The following DSTN variants were observed in gnomAD, a reference collection of about 807,000 sequenced individuals.
DSTN encodes the protein destrin, actin depolymerizing factor, also known as destrin.
In DSTN, 10 loss-of-function variants were observed where a neutral mutation model predicts 16.8. The observed-to-expected ratio is 0.60, with a 90% confidence interval of 0.37 to 1.01. The LOEUF (loss-of-function observed/expected upper bound fraction) is 1.01, where lower values mean the gene tolerates loss of function less well. Among genes scored for constraint, DSTN ranks in the 50% least tolerant of loss-of-function variants. The probability of loss-of-function intolerance (pLI) is 0.01; values close to 1 mark genes in which losing one functional copy is unlikely to be tolerated. For missense variants in DSTN, 141 were observed against 196.7 expected (o/e 0.72, Z 1.69); for synonymous variants, 57 against 58.9 (o/e 0.97, Z 0.14).
intron 1 of DSTN, among the ~76,000 whole-genome samples, chr20:17,582,299 T>C (rs1295946630): frequency 2.6e-5 from 4 of 152,096 alleles, no homozygotes; most frequent in African/African-American, 9.7e-5. Flanking sequence ...CAGGCTGGTC[T>C]CAAACTCCTG....
intron 1 of DSTN, among the ~76,000 whole-genome samples, chr20:17,588,960 C>T (rs780620278): frequency 6.6e-6 from 1 of 152,110 alleles, no homozygotes; most frequent in Non-Finnish European, 1.5e-5. Context: ...TCCAGAACTA[C>T]TGTTTACCTT....
intron 1 of DSTN, among the ~76,000 whole-genome samples, chr20:17,599,992 G>GA (rs541398948): frequency 1.1e-3 from 170 of 152,276 alleles, no homozygotes; most frequent in Admixed American, 2.4e-3. Flanking sequence ...TCCTCAAGAT[G>GA]AAAAAATTAA....
intron 2 of DSTN, among the ~76,000 whole-genome samples, chr20:17,604,330 C>T (rs1029805798): frequency 6.6e-6 from 1 of 152,200 alleles, no homozygotes; most frequent in Admixed American, 6.5e-5. Context: ...CAGTGGTTCT[C>T]TTCTTTTTTC....
chr20:17,607,338 A>G lies in DSTN; in HGVS notation c.*192A>G. The G allele has an allele frequency of 2.1e-6, 1 of 470,878 alleles. No homozygotes were observed. Among genetic ancestry groups the G allele is most frequent in the Non-Finnish European group, 3.7e-6 (1 of 272,760 alleles). The allele number at this position is 470,878 out of a possible 1,614,324, so 29.2% of individuals were successfully genotyped here. A position where few individuals can be genotyped will look rare whatever the true frequency, so the allele number is the denominator to read the frequency against. On this transcript the variant is annotated 3_prime_UTR_variant, in exon 4 of 4. Transcript: ENST00000246069. ...AAGTCTAAAGTTTTATTGATGTGAA[A>G]TTAAATTCTTATTGGCCAAATGCCT...
chr20:17,576,544 A>T (rs1197383073), intron 1 of DSTN: 2 of 152,756 alleles, frequency 1.3e-5, no homozygotes, highest in African/African-American at 4.8e-5. Context: ...TGATTTCAGT[A>T]AAAAATGCAA....
In DSTN at chr20:17,608,354, G is replaced by C. The variant is rs971838572; in HGVS notation, c.*1208G>C. ...ATAATTAAGAGTTAAGGTTGGCTGA[G>C]TGTGGTGGCTCACTCCTGTAATCCC... is the stretch of plus-strand genomic sequence containing the variant. On this transcript the variant is annotated 3_prime_UTR_variant, in exon 4 of 4. Coordinates refer to ENST00000246069, the MANE Select transcript of DSTN (RefSeq NM_006870.4). The C allele has an allele frequency of 1.1e-4, 16 of 152,226 alleles. No individual in the cohort carries two copies. Among genetic ancestry groups the C allele is most frequent in the African/African-American group, 3.4e-4 (14 of 41,458 alleles). 9.4% of individuals were successfully genotyped at this position (152,226 alleles called of 1,614,324 possible).
chr20:17,574,725 CAAAAA>C (rs775060379), intron 1 of DSTN, among the ~76,000 whole-genome samples: 2 of 52,982 alleles, frequency 3.8e-5, no homozygotes, highest in East Asian at 4.8e-4. Context: ...GACTCAGTCT[CAAAAA>C]AAAAAAAAAA....
intron 1 of DSTN, among the ~76,000 whole-genome samples, chr20:17,593,771 G>C (rs751141391): frequency 2.0e-5 from 3 of 152,100 alleles, no homozygotes; most frequent in African/African-American, 7.2e-5. Flanking sequence ...AAAGAGGTAG[G>C]TATAGCCAAA....
At chr20:17,574,915 C>G in intron 1 of DSTN, among the ~76,000 whole-genome samples, 1 of 131,356 alleles carries the variant, frequency 7.6e-6, no homozygotes, top group South Asian at 2.6e-4. Flanking sequence ...CTTGCAGCCA[C>G]CCAGGCTGGA....
intron 1 of DSTN, among the ~76,000 whole-genome samples, chr20:17,575,251 C>T (rs1187825426): frequency 6.6e-6 from 1 of 151,688 alleles, no homozygotes; most frequent in Non-Finnish European, 1.5e-5. Context: ...TTTATATTTT[C>T]TTTCAGTAAT....
At chr20:17,604,443 T>G (rs1404129893) in intron 2 of DSTN, 112 bp from the exon 3 acceptor site, 5 of 1,108,024 alleles carry the variant, frequency 4.5e-6, no homozygotes, top group Non-Finnish European at 3.9e-6. Flanking sequence ...AAAAAATATC[T>G]CAGGAGAGTC....
At chr20:17,581,079 T>C (rs1050371277) in intron 1 of DSTN, among the ~76,000 whole-genome samples, 6 of 152,076 alleles carry the variant, frequency 3.9e-5, no homozygotes, top group Non-Finnish European at 8.8e-5. Flanking sequence ...CAGGAAGCCA[T>C]TGGGTGTGTG....
intron 1 of DSTN, chr20:17,596,666 C>T (rs1253138196): frequency 3.2e-5 from 32 of 985,302 alleles, no homozygotes; most frequent in Non-Finnish European, 3.9e-5. Flanking sequence ...GCCAGTTTCT[C>T]CTTCAAGTAT....
intron 1 of DSTN, among the ~76,000 whole-genome samples, chr20:17,583,731 G>GTTTTTTTTTT (rs74172899): frequency 2.9e-4 from 8 of 28,038 alleles, no homozygotes; most frequent in Admixed American, 5.9e-4. Context: ...TGGGTTTGGA[G>GTTTTTTTTTT]TTTCTTTTTT....
chr20:17,570,291 AGGGGGTG>A, intron 1 of DSTN, 80 bp downstream of exon 1: 6 of 1,410,450 alleles, frequency 4.3e-6, no homozygotes, highest in Non-Finnish European at 5.5e-6. Context: ...GTCGGGGCTA[AGGGGGTG>A]AGCCGTGCCT....
intron 3 of DSTN, among the ~76,000 whole-genome samples, chr20:17,605,575 C>T (rs759953167): frequency 1.3e-5 from 2 of 152,150 alleles, no homozygotes; most frequent in African/African-American, 2.4e-5. Context: ...CTTCCTTTCC[C>T]GAGCCTTGCT....
chr20:17,573,775 CAT>C (rs1287971079), intron 1 of DSTN, among the ~76,000 whole-genome samples: 1 of 151,920 alleles, frequency 6.6e-6, no homozygotes. Context: ...TGACTCTTTT[CAT>C]ATGTTTATTG....
At chr20:17,600,169 T>C (rs535476556) in intron 1 of DSTN, among the ~76,000 whole-genome samples, 2 of 152,354 alleles carry the variant, frequency 1.3e-5, no homozygotes, top group Admixed American at 6.5e-5. Flanking sequence ...CTAATCTTAG[T>C]TTAAAATTTG....
intron 2 of DSTN, 25 bp downstream of exon 2, chr20:17,601,070 C>T (rs1469017609): frequency 1.0e-5 from 16 of 1,551,364 alleles, no homozygotes; most frequent in Non-Finnish European, 1.4e-5. Flanking sequence ...AATATTGAGC[C>T]TCTGTAAAAC....
Sources: allele counts gnomAD v4.1 joint callset (sites outside exome capture counted in the v4.1 genomes callset), GRCh38; gene constraint gnomAD v4.1.1; transcripts MANE v1.5; gene names NCBI Gene and HGNC (gene_info 2026-07-23, HGNC 2026-07-21).